The following ASIC2 variants were observed in gnomAD, a reference collection of about 807,000 sequenced individuals.
ASIC2 encodes acid sensing ion channel subunit 2, also known as acid-sensing ion channel 2.
ASIC2 carries 25 observed loss-of-function variants against 57.3 expected under a neutral mutation model. That is an observed-to-expected ratio of 0.44 (90% CI 0.32 to 0.61). The LOEUF (loss-of-function observed/expected upper bound fraction) is 0.61, where lower values mean the gene tolerates loss of function less well. Ranked by LOEUF, ASIC2 falls within the 20% of genes least tolerant of loss-of-function variation. ASIC2 has a pLI of 0.06. For missense variants in ASIC2, 641 were observed against 738.1 expected (o/e 0.87, Z 1.52); for synonymous variants, 319 against 307.5 (o/e 1.04, Z -0.39).
chr17:33,662,386 C>T (rs953115739), intron 1 of ASIC2, among the ~76,000 whole-genome samples: 8 of 151,898 alleles, frequency 5.3e-5, no homozygotes, highest in Non-Finnish European at 7.4e-5. Flanking sequence ...TTTGGGAGAC[C>T]GAGGTGGACA....
At chr17:33,543,074 G>C (rs1915468960) in intron 1 of ASIC2, among the ~76,000 whole-genome samples, 1 of 145,332 alleles carries the variant, frequency 6.9e-6, no homozygotes, top group African/African-American at 2.6e-5. Context: ...CTTATAGGTG[G>C]GAATTGAACA....
At chr17:34,004,640 C>T (rs1159137777) in intron 1 of ASIC2, 2 of 152,188 alleles carry the variant, frequency 1.3e-5, no homozygotes, top group Non-Finnish European at 2.9e-5. Context: ...TCAGTTTCTG[C>T]TTCTGTTTAG....
intron 1 of ASIC2, among the ~76,000 whole-genome samples, chr17:33,901,555 C>T (rs1269164182): frequency 1.3e-5 from 2 of 152,042 alleles, no homozygotes; most frequent in South Asian, 2.1e-4. Context: ...GTAAAAAGAT[C>T]GATAAGACAC....
chr17:33,952,268 G>A (rs1904601842), intron 1 of ASIC2, among the ~76,000 whole-genome samples: 1 of 152,138 alleles, frequency 6.6e-6, no homozygotes, highest in Non-Finnish European at 1.5e-5. Flanking sequence ...AATCAAAAAG[G>A]TGGGGAAGAG....
At chr17:33,860,648 T>C (rs1804964011) in intron 1 of ASIC2, among the ~76,000 whole-genome samples, 2 of 152,350 alleles carry the variant, frequency 1.3e-5, no homozygotes, top group African/African-American at 2.4e-5. Context: ...CATAATTATG[T>C]AGCTGAGCCT....
chr17:33,231,604 TC>T (rs1908094414), intron 1 of ASIC2, among the ~76,000 whole-genome samples: 1 of 152,052 alleles, frequency 6.6e-6, no homozygotes, highest in Admixed American at 6.6e-5. Context: ...GATCCCCACC[TC>T]CAAACTGACC....
At chr17:33,064,062 T>C (rs1487348525) in intron 3 of ASIC2, among the ~76,000 whole-genome samples, 2 of 152,246 alleles carry the variant, frequency 1.3e-5, no homozygotes, top group Non-Finnish European at 2.9e-5. Context: ...GCCAGTTGTC[T>C]AGTCTTTTTT....
chr17:33,244,240 T>C (rs1006140630), intron 1 of ASIC2, among the ~76,000 whole-genome samples: 2 of 152,208 alleles, frequency 1.3e-5, no homozygotes, highest in African/African-American at 2.4e-5. Context: ...ACACTTTGCA[T>C]TGGCAGTATT....
intron 1 of ASIC2, among the ~76,000 whole-genome samples, chr17:33,436,850 CTTCT>C (rs201792316): frequency 0.25 from 18,789 of 75,408 alleles, 3,537 homozygotes; most frequent in Non-Finnish European, 0.31. Flanking sequence ...CACATTCCAA[CTTCT>C]TTTTTTTTTT....
chr17:33,462,898 T>A (rs1323045659), intron 1 of ASIC2, among the ~76,000 whole-genome samples: 3 of 152,214 alleles, frequency 2.0e-5, no homozygotes, highest in African/African-American at 7.2e-5. Flanking sequence ...TCATTTATAG[T>A]GATGAGAGAG....
At chr17:33,271,621 C>A (rs767342899) in intron 1 of ASIC2, among the ~76,000 whole-genome samples, 2 of 152,194 alleles carry the variant, frequency 1.3e-5, no homozygotes, top group African/African-American at 4.8e-5. Context: ...ACCATGAAGT[C>A]TCACTGGACC....
At chr17:33,198,291 G>A (rs1906718497) in intron 1 of ASIC2, among the ~76,000 whole-genome samples, 1 of 152,194 alleles carries the variant, frequency 6.6e-6, no homozygotes, top group Non-Finnish European at 1.5e-5. Flanking sequence ...GGTCCAGACT[G>A]CAGGGAGCCA....
At chr17:33,112,537 C>A (rs1178095128) in intron 1 of ASIC2, among the ~76,000 whole-genome samples, 1 of 152,130 alleles carries the variant, frequency 6.6e-6, no homozygotes, top group African/African-American at 2.4e-5. Context: ...CTTAGCTTCC[C>A]CACCCCATTG....
chr17:34,009,402 A>G (rs1443815463), intron 1 of ASIC2, among the ~76,000 whole-genome samples: 1 of 152,234 alleles, frequency 6.6e-6, no homozygotes, highest in African/African-American at 2.4e-5. Context: ...ATGGCTGTCA[A>G]TGTAAAATAC....
intron 1 of ASIC2, among the ~76,000 whole-genome samples, chr17:33,509,055 C>T (rs1914352951): frequency 6.6e-6 from 1 of 152,100 alleles, no homozygotes; most frequent in South Asian, 2.1e-4. Flanking sequence ...AATAGTGCCT[C>T]CCATAGGAAT....
chr17:33,710,968 A>G (rs1354012402), intron 1 of ASIC2, among the ~76,000 whole-genome samples: 1 of 143,914 alleles, frequency 6.9e-6, no homozygotes, highest in African/African-American at 2.8e-5. Context: ...TTTTTTTGAG[A>G]CAGGGTCTTG....
intron 1 of ASIC2, among the ~76,000 whole-genome samples, chr17:33,860,806 G>A (rs562581197): frequency 2.0e-5 from 3 of 152,180 alleles, no homozygotes; most frequent in Non-Finnish European, 4.4e-5. Flanking sequence ...ACCTGCTGAG[G>A]TAGACACCAG....
intron 1 of ASIC2, among the ~76,000 whole-genome samples, chr17:33,615,489 A>C (rs1361393378): frequency 6.6e-6 from 1 of 152,246 alleles, no homozygotes; most frequent in African/African-American, 2.4e-5. Context: ...TATTTATGTG[A>C]TAGACCTTCA....
In ASIC2 at chr17:33,797,720, G is replaced by C. The variant is rs1370944173; in HGVS notation, c.555+358258C>G. On this transcript the variant is annotated intron_variant, in intron 1 of 9. Coordinates refer to the ASIC2 transcript ENST00000359872. ...TGAAGCGTGAGTTTGCGCTTCCCTG[G>C]TTCTATTTGTCTGCAGACAGAAGGC... Among the ~76,000 whole-genome samples the C allele has an allele frequency of 2.4e-4, 37 of 152,296 alleles. 1 individual carries two copies. Among genetic ancestry groups the C allele is most frequent in the Non-Finnish European group, 1.5e-5 (1 of 68,030 alleles).
Sources: allele counts gnomAD v4.1 joint callset (sites outside exome capture counted in the v4.1 genomes callset), GRCh38; gene constraint gnomAD v4.1.1; transcripts MANE v1.5; gene names NCBI Gene and HGNC (gene_info 2026-07-23, HGNC 2026-07-21).